Variants in LIN54 observed in about 807,000 individuals in gnomAD.
The protein encoded by LIN54 is protein lin-54 homolog.
In LIN54, 9 loss-of-function variants were observed where a neutral mutation model predicts 78.7. The ratio of observed to expected loss-of-function variants is 0.11; its 90% CI spans 0.07 to 0.20. The LOEUF (loss-of-function observed/expected upper bound fraction) is 0.20, where lower values mean the gene tolerates loss of function less well. Ranked by LOEUF, LIN54 falls within the 10% of genes least tolerant of loss-of-function variation. The pLI is 1.00. For synonymous variants in LIN54, 269 were observed against 318.4 expected, an observed-to-expected ratio of 0.84 and a Z score of 1.65; for missense variants, 573 against 889.9, an observed-to-expected ratio of 0.64 and a Z score of 4.53.
At chr4:83,006,448 CAA>C (rs1186424720) in intron 1 of LIN54, among the ~76,000 whole-genome samples, 6 of 60,032 alleles carry the variant, frequency 1.0e-4, no homozygotes, top group Non-Finnish European at 6.9e-5. Context: ...GACTCCGTCT[CAA>C]AAAAAAAAAA....
chr4:82,938,768 A>G (rs952397898), intron 7 of LIN54, among the ~76,000 whole-genome samples: 1 of 152,252 alleles, frequency 6.6e-6, no homozygotes, highest in African/African-American at 2.4e-5. Flanking sequence ...TCGGAATGAT[A>G]GGAAATGCTA....
intron 9 of LIN54, 152 bp from the exon 10 acceptor site, chr4:82,936,533 A>G: frequency 2.0e-6 from 1 of 511,778 alleles, no homozygotes; most frequent in East Asian, 3.0e-5. Context: ...AAGAGTTAAC[A>G]ACACATATTG....
intron 4 of LIN54, among the ~76,000 whole-genome samples, chr4:82,961,683 G>A (rs1462179852): frequency 6.6e-6 from 1 of 152,286 alleles, no homozygotes; most frequent in Admixed American, 6.5e-5. Context: ...GGCCAGGCGT[G>A]GTGGCTCACG....
intron 1 of LIN54, among the ~76,000 whole-genome samples, chr4:83,000,827 CT>C (rs1553959274): frequency 1.7e-5 from 2 of 120,536 alleles, no homozygotes; most frequent in East Asian, 4.7e-4. Context: ...GCAATAAATT[CT>C]TTTTTTTTTT....
At position 82,984,380 on chromosome 4, in the gene LIN54, T is replaced by G; in HGVS notation, c.465A>C (p.Ala155=). The G allele has an allele frequency of 1.2e-6, 2 of 1,614,204 alleles. No individual in the cohort carries two copies. The highest frequency in any genetic ancestry group is 3.3e-5 in the Admixed American group (2 of 60,016). The change falls in exon 2 of 13, where the codon GCA becomes GCC. Residue 155 remains alanine, a synonymous_variant. Coordinates refer to ENST00000340417, the MANE Select transcript of LIN54 (RefSeq NM_194282.4). ...CCTGGGGTAGTTGGCTATGGGGTAG[T>G]GCTAAAACAATTGGTGAACCAGACT... ...LGKSGSPIVL[A]LPHSQLPQAQ...
intron 1 of LIN54, among the ~76,000 whole-genome samples, chr4:82,986,529 C>T (rs941237347): frequency 6.6e-6 from 1 of 151,600 alleles, no homozygotes; most frequent in African/African-American, 2.4e-5. Context: ...CATGGTGAAA[C>T]CCCGTCTCAA....
At chr4:82,928,491 C>T (rs575656349) in intron 12 of LIN54, among the ~76,000 whole-genome samples, 188 bp from the exon 13 acceptor site, 1 of 152,328 alleles carries the variant, frequency 6.6e-6, no homozygotes, top group East Asian at 1.9e-4. Context: ...TGGTTTTATT[C>T]ACATATTGTA....
rs1410459489 is a variant in LIN54 at position 82,959,267 on chromosome 4, G to A, written c.951+11060C>T. On this transcript the variant is annotated intron_variant, in intron 4 of 12. Transcript: ENST00000340417. ...AATCCCAGCAACTCAGGAGGTTGAGGAGGGATACTAGAGGCCAAGAGTTTG... is the reference window on the plus strand; with the variant it reads ...AATCCCAGCAACTCAGGAGGTTGAGAAGGGATACTAGAGGCCAAGAGTTTG... 2.6e-5 allele frequency among the ~76,000 whole-genome samples: 4 copies of A among 152,136 alleles called. No individual in the cohort carries two copies. In the East Asian group the frequency reaches 7.7e-4, roughly 29 times the overall value.
chr4:83,002,687 C>T (rs1728974996), intron 1 of LIN54, among the ~76,000 whole-genome samples: 4 of 152,160 alleles, frequency 2.6e-5, no homozygotes, highest in Admixed American at 2.6e-4. Context: ...TGATCCACTT[C>T]AGTTCATGAA....
intron 1 of LIN54, among the ~76,000 whole-genome samples, chr4:82,992,249 G>A (rs747788425): frequency 1.3e-5 from 2 of 152,186 alleles, no homozygotes; most frequent in Admixed American, 6.6e-5. Context: ...GTAGCACAAA[G>A]TTACATGTAA....
upstream of LIN54, among the ~76,000 whole-genome samples, chr4:83,011,665 T>C (rs1020508171): frequency 6.6e-6 from 1 of 152,100 alleles, no homozygotes; most frequent in Non-Finnish European, 1.5e-5. Flanking sequence ...CAGAACAAGA[T>C]CCTAGAGCTA....
intron 4 of LIN54, among the ~76,000 whole-genome samples, chr4:82,961,186 C>A (rs889446785): frequency 3.9e-5 from 6 of 152,052 alleles, no homozygotes; most frequent in Non-Finnish European, 5.9e-5. Flanking sequence ...GTGCAACTTA[C>A]TTTGAAGTAC....
chr4:82,944,827 C>T (rs942172793), intron 5 of LIN54: 7 of 152,106 alleles, frequency 4.6e-5, no homozygotes, highest in Admixed American at 2.6e-4. Context: ...CAAGCTAATT[C>T]ACGACCTTCA....
At chr4:82,960,129 G>A (rs374299482) in intron 4 of LIN54, among the ~76,000 whole-genome samples, 25 of 152,184 alleles carry the variant, frequency 1.6e-4, no homozygotes, top group Admixed American at 1.1e-3. Flanking sequence ...TAAATGGTTA[G>A]GAAAAATGTT....
chr4:82,996,148 G>A (rs1728200339), intron 1 of LIN54, among the ~76,000 whole-genome samples: 1 of 151,896 alleles, frequency 6.6e-6, no homozygotes, highest in Admixed American at 6.6e-5. Context: ...CAGAAGGACT[G>A]GGCATGGCAG....
intron 4 of LIN54, among the ~76,000 whole-genome samples, chr4:82,949,196 A>G (rs1578522203): frequency 6.6e-6 from 1 of 152,196 alleles, no homozygotes; most frequent in African/African-American, 2.4e-5. Context: ...ACTTTTGATA[A>G]TAGCCATCCT....
chr4:82,942,388 C>T (rs1233394237), intron 5 of LIN54, among the ~76,000 whole-genome samples: 1 of 152,100 alleles, frequency 6.6e-6, no homozygotes, highest in Non-Finnish European at 1.5e-5. Flanking sequence ...AAAGGGTGAA[C>T]TTTATGGTAT....
intron 1 of LIN54, among the ~76,000 whole-genome samples, chr4:82,991,329 C>T (rs13144632): frequency 0.18 from 27,946 of 151,930 alleles, 2,745 homozygotes; most frequent in South Asian, 0.32. Context: ...TTTCCATTTT[C>T]CAATTGTTTA....
intron 1 of LIN54, among the ~76,000 whole-genome samples, chr4:83,005,260 TAATAA>T (rs1327471664): frequency 6.6e-6 from 1 of 152,160 alleles, no homozygotes; most frequent in Non-Finnish European, 1.5e-5. Context: ...GTAAATATCT[TAATAA>T]AATAAGTTAG....
Sources: allele counts gnomAD v4.1 joint callset (sites outside exome capture counted in the v4.1 genomes callset), GRCh38; gene constraint gnomAD v4.1.1; transcripts MANE v1.5; gene names NCBI Gene and HGNC (gene_info 2026-07-23, HGNC 2026-07-21).